MEIOC: variants seen among roughly 807,000 people sequenced by gnomAD.
The protein encoded by MEIOC is meiosis specific with coiled-coil domain, also known as meiosis-specific coiled-coil domain-containing protein MEIOC.
MEIOC carries 9 observed loss-of-function variants against 85.3 expected under a neutral mutation model. The ratio of observed to expected loss-of-function variants is 0.11; its 90% CI spans 0.06 to 0.18. MEIOC has a LOEUF of 0.18. MEIOC is among the 10% of genes least tolerant of loss of function. The pLI, the probability that MEIOC is intolerant of heterozygous loss-of-function variation, is 1.00. For missense variants in MEIOC, 898 were observed against 1,129.4 expected (o/e 0.80, Z 2.94); for synonymous variants, 365 against 393.7 (o/e 0.93, Z 0.86).
intron 6 of MEIOC, among the ~76,000 whole-genome samples, chr17:44,671,977 A>G (rs1972019634): frequency 6.6e-6 from 1 of 151,980 alleles, no homozygotes; most frequent in South Asian, 2.1e-4. Context: ...AATATTTTTT[A>G]AACTTTATTT....
At chr17:44,669,277 C>T in intron 5 of MEIOC, 106 bp from the exon 6 acceptor site, 1 of 850,518 alleles carries the variant, frequency 1.2e-6, no homozygotes, top group Non-Finnish European at 1.8e-6. Context: ...ACAGAATTTT[C>T]ATTTAAAGTG....
At chr17:44,657,371 G>A in intron 2 of MEIOC, 110 bp downstream of exon 2, 2 of 844,924 alleles carry the variant, frequency 2.4e-6, no homozygotes, top group Non-Finnish European at 3.4e-6. Flanking sequence ...GAGAAAACCA[G>A]GGAAAACTTT....
intron 2 of MEIOC, among the ~76,000 whole-genome samples, chr17:44,658,196 C>T (rs554231848): frequency 1.4e-5 from 2 of 147,478 alleles, no homozygotes; most frequent in African/African-American, 5.0e-5. Flanking sequence ...GCTCTGTCGC[C>T]CAGGCTGGAG....
In MEIOC at chr17:44,666,379, C is replaced by A. The variant is rs1411484146; in HGVS notation, c.468C>A (p.Thr156=). ...TAAATATATTTATTTGTTCTAGGAC[C>A]TGCTCCTCCAATTTAAAGTCAGTTT... ...DKSQPYFAEG[T]CSSNLKSVWP... Residue 156 remains threonine, a synonymous_variant, in exon 5 of 8, where the codon ACC becomes ACA. Coordinates refer to ENST00000409122, the MANE Select transcript of MEIOC (RefSeq NM_001145080.3). 1.8e-5 allele frequency: 28 copies of A among 1,545,506 alleles called. No individual in the cohort carries two copies. The highest frequency in any genetic ancestry group is 2.4e-5 in the Non-Finnish European group (28 of 1,143,788).
rs1281479755 is a variant in MEIOC, at chr17:44,674,016, G to A, written c.2679G>A (p.Val893=). ...CTTCTGCAATTAAAGAGATGTGTGT[G>A]GCTACTCGGAAAACACGCACTGCCC... ...ALASAIKEMC[V]ATRKTRTALW... is the part of the protein sequence containing the mutation. The change falls in exon 8 of 8, where the codon GTG becomes GTA. Residue 893 remains valine, a synonymous_variant. Coordinates refer to ENST00000409122, the MANE Select transcript of MEIOC (RefSeq NM_001145080.3). 1.3e-6 allele frequency: 2 copies of A among 1,551,554 alleles called. No individual in the cohort carries two copies. Among genetic ancestry groups the A allele is most frequent in the Non-Finnish European group, 1.7e-6 (2 of 1,146,982 alleles).
chr17:44,662,465 A>G lies in MEIOC; in HGVS notation c.353A>G (p.Lys118Arg). ...KQPSNSQISI[K>R]NRIQTERNDY... ...CCTTCTAATTCTCAGATCAGTATAA[A>G]GAACAGGTAAATTAATTCATTTCTC... is the stretch of plus-strand genomic sequence containing the variant. Residue 118 changes from lysine to arginine, a missense_variant, in exon 3 of 8, where the codon AAG (lysine) becomes AGG (arginine). Around this residue, in one of 2 missense-constraint regions of MEIOC, gnomAD observed 734 missense variants for 860.1 expected, o/e 0.85. Transcript: ENST00000409122. The G allele has an allele frequency of 6.6e-7, 1 of 1,523,498 alleles. No individual in the cohort carries two copies. Among genetic ancestry groups the G allele is most frequent in the Non-Finnish European group, 8.8e-7 (1 of 1,133,276 alleles). The allele number at this position is 1,523,498 out of a possible 1,614,324, so 94.4% of individuals were successfully genotyped here. A position where few individuals can be genotyped will look rare whatever the true frequency, so the allele number is the denominator to read the frequency against.
intron 3 of MEIOC, among the ~76,000 whole-genome samples, chr17:44,664,064 C>A (rs1196963092): frequency 1.3e-5 from 2 of 152,182 alleles, no homozygotes; most frequent in South Asian, 4.1e-4. Context: ...CCGGAAGTTA[C>A]AATTTATTAT....
At chr17:44,657,574 A>G (rs2144653807) in intron 2 of MEIOC, among the ~76,000 whole-genome samples, 1 of 149,334 alleles carries the variant, frequency 6.7e-6, no homozygotes, top group East Asian at 2.0e-4. Flanking sequence ...TGTTTTTGAG[A>G]TGGAGTTTTG....
chr17:44,662,643 C>T (rs1283972068), intron 3 of MEIOC, among the ~76,000 whole-genome samples, 172 bp downstream of exon 3: 2 of 152,006 alleles, frequency 1.3e-5, no homozygotes, highest in South Asian at 2.1e-4. Flanking sequence ...ATAGTTTTTA[C>T]GGTGTTTTGC....
chr17:44,656,779 C>A, intron 1 of MEIOC, 97 bp downstream of exon 1: 1 of 512,160 alleles, frequency 2.0e-6, no homozygotes, highest in Non-Finnish European at 2.6e-6. Flanking sequence ...CTAGACGGGG[C>A]GGCAGAGGCG....
At position 44,674,915 on chromosome 17, in the gene MEIOC, TG is replaced by T. The variant is rs1972055749; in HGVS notation, c.*720del. On this transcript the variant is annotated 3_prime_UTR_variant, in exon 8 of 8. Coordinates refer to ENST00000409122, the MANE Select transcript of MEIOC (RefSeq NM_001145080.3). ...TTTAAATTTTAATTATATTATCAAT[TG>T]TTAAATGTTTCCAATTTTAAAGTTA... 1.0e-6 allele frequency: 1 copy of T among 967,350 alleles called. No individual in the cohort carries two copies. The highest frequency in any genetic ancestry group is 6.2e-5 in the Admixed American group (1 of 16,244). The allele number at this position is 967,350 out of a possible 1,614,324, so 59.9% of individuals were successfully genotyped here.
intron 6 of MEIOC, among the ~76,000 whole-genome samples, chr17:44,671,779 G>A (rs1319752817): frequency 1.3e-4 from 19 of 151,814 alleles, no homozygotes; most frequent in African/African-American, 4.1e-4. Flanking sequence ...GGTGGCAGGC[G>A]CCTGTAGTCC....
At chr17:44,673,891 G>T in intron 7 of MEIOC, 85 bp from the exon 8 acceptor site, 1 of 1,427,708 alleles carries the variant, frequency 7.0e-7, no homozygotes, top group South Asian at 1.3e-5. Context: ...TGATCATTTA[G>T]TAGCAAAAGC....
rs550516831 is a variant in MEIOC at position 44,662,459 on chromosome 17, G to T, written c.347G>T (p.Ser116Ile). ...DIKQPSNSQISIKNRIQTERN... is the reference protein window; with the variant it reads ...DIKQPSNSQIIIKNRIQTERN... ...AAACAACCTTCTAATTCTCAGATCA[G>T]TATAAAGAACAGGTAAATTAATTCA... is the stretch of plus-strand genomic sequence containing the variant. Residue 116 changes from serine (S) to isoleucine (I), a missense_variant, in exon 3 of 8, where the codon AGT becomes ATT. Transcript: ENST00000409122. 1 of 1,531,866 alleles carries T rather than the reference G, an allele frequency of 6.5e-7. No individual in the cohort carries two copies. Among genetic ancestry groups the T allele is most frequent in the Non-Finnish European group, 8.8e-7 (1 of 1,138,602 alleles). The allele number at this position is 1,531,866 out of a possible 1,614,324, so 94.9% of individuals were successfully genotyped here.
At chr17:44,659,521 C>T (rs1460792903) in intron 2 of MEIOC, among the ~76,000 whole-genome samples, 1 of 152,120 alleles carries the variant, frequency 6.6e-6, no homozygotes, top group African/African-American at 2.4e-5. Context: ...TGTTTGAATC[C>T]ACCACATTAC....
chr17:44,658,439 G>T (rs1181405885), intron 2 of MEIOC, among the ~76,000 whole-genome samples: 2 of 151,624 alleles, frequency 1.3e-5, no homozygotes, highest in Non-Finnish European at 2.9e-5. Flanking sequence ...ACAGGCGTGA[G>T]CCACCGCGCC....
intron 3 of MEIOC, among the ~76,000 whole-genome samples, chr17:44,662,830 T>A (rs1048521462): frequency 1.3e-5 from 2 of 152,100 alleles, no homozygotes; most frequent in African/African-American, 4.8e-5. Context: ...TTTAAAAAAA[T>A]TTGTTGCCTT....
At position 44,657,131 on chromosome 17, in the gene MEIOC, A is replaced by C; in HGVS notation, c.74A>C (p.Lys25Thr). The C allele has an allele frequency of 6.5e-7, 1 of 1,549,796 alleles. No homozygotes were observed. Among genetic ancestry groups the C allele is most frequent in the Non-Finnish European group, 8.7e-7 (1 of 1,146,708 alleles). ...TCCTATTCCCGTGTGCTGCAGCCCA[A>C]AGTCGCGTTCCCCGGAGGTGCGAAT... Reference protein sequence around the residue: ...SGLREEGLEPKVAFPGGANRC... With the variant: ...SGLREEGLEPTVAFPGGANRC... The change falls in exon 2 of 8, where the codon AAA (lysine) becomes ACA (threonine). Residue 25 changes from lysine to threonine, a missense_variant. By Grantham distance (78) the Lys-to-Thr change is moderately conservative. This residue lies in a region of MEIOC where 734 missense variants were observed against 860.1 expected (regional missense o/e 0.85). Coordinates refer to ENST00000409122, the MANE Select transcript of MEIOC (RefSeq NM_001145080.3).
At position 44,656,589 on chromosome 17, in the gene MEIOC, T is replaced by A; in HGVS notation, c.-25T>A. The A allele has an allele frequency of 6.8e-7, 1 of 1,461,132 alleles. No individual in the cohort carries two copies. Among genetic ancestry groups the A allele is most frequent in the Non-Finnish European group, 9.1e-7 (1 of 1,103,120 alleles). The allele number at this position is 1,461,132 out of a possible 1,614,324, so 90.5% of individuals were successfully genotyped here. On this transcript the variant is annotated 5_prime_UTR_variant, in exon 1 of 8. Coordinates refer to ENST00000409122, the MANE Select transcript of MEIOC (RefSeq NM_001145080.3). ...CCCGTACCCCAGGAGCTGTGCCTAG[T>A]CCAGGAGAGGCTGGGGGGCGCCCCA... is the stretch of plus-strand genomic sequence containing the variant.
Sources: gnomAD v4.1 joint callset for allele counts (sites outside exome capture counted in the v4.1 genomes callset) on GRCh38, gnomAD v4.1.1 for gene constraint, gnomAD v4.1.1 regional missense constraint, MANE v1.5 for transcripts, NCBI Gene and HGNC (gene_info 2026-07-23, HGNC 2026-07-21) for gene names.